Variants in CAMTA1 observed in about 807,000 individuals in gnomAD.
CAMTA1 encodes calmodulin-binding transcription activator 1.
A neutral mutation model predicts 170.9 loss-of-function variants in CAMTA1; 27 were observed. The ratio of observed to expected loss-of-function variants is 0.16; its 90% CI spans 0.12 to 0.22. The LOEUF is 0.22. Among genes scored for constraint, CAMTA1 ranks in the 10% least tolerant of loss-of-function variants. CAMTA1 has a pLI of 1.00. For missense variants in CAMTA1, 1,619 were observed against 2,217.2 expected, an observed-to-expected ratio of 0.73 and a Z score of 5.42; for synonymous variants, 833 against 891.5, an observed-to-expected ratio of 0.93 and a Z score of 1.17.
At chr1:6,907,563 G>A (rs1318660285) in intron 3 of CAMTA1, among the ~76,000 whole-genome samples, 1 of 152,208 alleles carries the variant, frequency 6.6e-6, no homozygotes, top group Non-Finnish European at 1.5e-5. Flanking sequence ...AGTGAGCCAG[G>A]CACCGTTCGG....
At chr1:7,564,517 C>A (rs557857242) in intron 6 of CAMTA1, among the ~76,000 whole-genome samples, 1 of 152,324 alleles carries the variant, frequency 6.6e-6, no homozygotes, top group East Asian at 1.9e-4. Context: ...CCTGGGATGG[C>A]CCATGCACCA....
chr1:7,111,858 C>T lies in CAMTA1; in HGVS notation c.302+20487C>T, dbSNP rs540033239. On this transcript the variant is annotated intron_variant, in intron 4 of 22. Transcript: ENST00000303635. ...TGAGATTGCATTACTGCACTCCAGC[C>T]TGGGCGACCGGGCAAGACTCCATCT... 2.3e-4 allele frequency among the ~76,000 whole-genome samples: 33 copies of T among 145,878 alleles called. No individual in the cohort carries two copies. In the Admixed American group the frequency reaches 2.3e-3, roughly 10 times the overall value.
intron 5 of CAMTA1, among the ~76,000 whole-genome samples, chr1:7,336,985 A>G (rs1424730056): frequency 2.0e-5 from 3 of 152,252 alleles, no homozygotes; most frequent in Non-Finnish European, 4.4e-5. Flanking sequence ...ATGAGGTGGC[A>G]GGTCCAGAAG....
chr1:7,741,175 A>G (rs774823997), intron 16 of CAMTA1, among the ~76,000 whole-genome samples: 1 of 151,334 alleles, frequency 6.6e-6, no homozygotes, highest in Admixed American at 6.6e-5. Context: ...GAAGAGAGTA[A>G]AAGTGTATGA....
intron 5 of CAMTA1, among the ~76,000 whole-genome samples, chr1:7,337,279 A>G (rs530830604): frequency 2.0e-5 from 3 of 152,196 alleles, no homozygotes; most frequent in Non-Finnish European, 2.9e-5. Flanking sequence ...AGGGGAGGTA[A>G]GCACCCCTTG....
intron 3 of CAMTA1, among the ~76,000 whole-genome samples, chr1:7,068,635 T>C (rs1709275397): frequency 7.0e-6 from 1 of 141,924 alleles, no homozygotes; most frequent in Non-Finnish European, 1.6e-5. Context: ...ACAAATAAAG[T>C]AAAAGGCACT....
intron 1 of CAMTA1, among the ~76,000 whole-genome samples, chr1:6,793,011 C>T (rs985288531): frequency 6.9e-6 from 1 of 144,712 alleles, no homozygotes; most frequent in Non-Finnish European, 1.5e-5. Flanking sequence ...TTCTTCATAC[C>T]ACTCATATAT....
intron 3 of CAMTA1, among the ~76,000 whole-genome samples, chr1:6,941,204 A>T (rs1267997243): frequency 6.6e-6 from 1 of 152,066 alleles, no homozygotes; most frequent in Non-Finnish European, 1.5e-5. Flanking sequence ...CAATAGCTGC[A>T]TGTAGAGTTC....
At chr1:6,800,563 A>G (rs1432599529) in intron 1 of CAMTA1, among the ~76,000 whole-genome samples, 2 of 152,234 alleles carry the variant, frequency 1.3e-5, no homozygotes, top group East Asian at 3.8e-4. Flanking sequence ...ATATGATTAC[A>G]GATGAAAAAT....
rs549153987 is a variant in CAMTA1 at position 7,456,591 on chromosome 1, C to T, written c.439-11239C>T. 4.2e-4 allele frequency among the ~76,000 whole-genome samples: 64 copies of T among 152,286 alleles called. No individual in the cohort carries two copies. Among genetic ancestry groups the T allele is most frequent in the Non-Finnish European group, 7.1e-4 (48 of 68,024 alleles). ...GCAGAGCTCCTGCTGATGACAGGAC[C>T]GCAGATCCCAGCAGCCTGGCACACC... On this transcript the variant is annotated intron_variant, in intron 5 of 22. Coordinates refer to ENST00000303635, the MANE Select transcript of CAMTA1 (RefSeq NM_015215.4). The surrounding 1 kb of genome is among the most constrained non-coding windows in gnomAD (Gnocchi z 4.9).
chr1:7,747,915 T>C, intron 19 of CAMTA1, 134 bp downstream of exon 19: 2 of 573,234 alleles, frequency 3.5e-6, no homozygotes, highest in Non-Finnish European at 6.0e-6. Context: ...TGTTTTTTTT[T>C]TTTTATTTTT....
intron 3 of CAMTA1, among the ~76,000 whole-genome samples, chr1:6,967,246 C>CA (rs1009294148): frequency 2.7e-5 from 4 of 149,702 alleles, no homozygotes; most frequent in Admixed American, 6.7e-5. Flanking sequence ...ATTTCAAAAA[C>CA]AAAAAAACCA....
chr1:7,104,155 T>C (rs1458247641), intron 4 of CAMTA1, among the ~76,000 whole-genome samples: 1 of 132,534 alleles, frequency 7.5e-6, no homozygotes, highest in South Asian at 2.3e-4. Flanking sequence ...ACAACACACA[T>C]ATGCATACAA....
Position 7,705,330 on chromosome 1 carries a change from C to T in CAMTA1, c.2915-27118C>T, listed in dbSNP as rs577138199. 4.0e-5 allele frequency among the ~76,000 whole-genome samples: 6 copies of T among 148,882 alleles called. No homozygotes were observed. The East Asian group carries it at 8.1e-4, about 20-fold the overall frequency. ...TCGACGCCCGAGCCTGCGTGGGGCCCGGGGCCGTGTGTCTGGAGTGGCCGA... is the reference window on the plus strand; with the variant it reads ...TCGACGCCCGAGCCTGCGTGGGGCCTGGGGCCGTGTGTCTGGAGTGGCCGA... On this transcript the variant is annotated intron_variant, in intron 11 of 22. Coordinates refer to ENST00000303635, the MANE Select transcript of CAMTA1 (RefSeq NM_015215.4).
At chr1:7,187,706 A>C (rs1168782277) in intron 4 of CAMTA1, among the ~76,000 whole-genome samples, 1 of 152,114 alleles carries the variant, frequency 6.6e-6, no homozygotes, top group Non-Finnish European at 1.5e-5. Context: ...CCTGGCACCA[A>C]CCTTCATTAT....
chr1:7,453,984 A>AG (rs1208576150), intron 5 of CAMTA1, among the ~76,000 whole-genome samples: 1 of 152,242 alleles, frequency 6.6e-6, no homozygotes, highest in African/African-American at 2.4e-5. Flanking sequence ...TGGGAATTTC[A>AG]GGGGAGACCT....
intron 4 of CAMTA1, among the ~76,000 whole-genome samples, chr1:7,112,949 T>C (rs1225545671): frequency 6.6e-6 from 1 of 152,224 alleles, no homozygotes; most frequent in Non-Finnish European, 1.5e-5. Context: ...AATGCGTTGA[T>C]GCATTTTCTC....
chr1:6,852,556 A>G (rs541807609), intron 3 of CAMTA1, among the ~76,000 whole-genome samples: 1 of 152,330 alleles, frequency 6.6e-6, no homozygotes, highest in South Asian at 2.1e-4. Context: ...CTCACAAAAC[A>G]GGGAAACATT....
At chr1:7,194,137 T>C (rs779498976) in intron 4 of CAMTA1, among the ~76,000 whole-genome samples, 24 of 152,232 alleles carry the variant, frequency 1.6e-4, no homozygotes, top group Non-Finnish European at 2.8e-4. Flanking sequence ...GCCCATGACA[T>C]GCGGCCTTTA....
Sources: allele counts gnomAD v4.1 joint callset (sites outside exome capture counted in the v4.1 genomes callset), GRCh38; gene constraint gnomAD v4.1.1; non-coding constraint Gnocchi (gnomAD v3.1); transcripts MANE v1.5; gene names NCBI Gene and HGNC (gene_info 2026-07-23, HGNC 2026-07-21).